PRKRA: variants seen among roughly 807,000 people sequenced by gnomAD.
The protein encoded by PRKRA is interferon-inducible double-stranded RNA-dependent protein kinase activator A.
A neutral mutation model predicts 32.4 loss-of-function variants in PRKRA; 22 were observed. The observed-to-expected ratio is 0.68, with a 90% CI of 0.49 to 0.97. PRKRA has a LOEUF of 0.97. Among genes scored for constraint, PRKRA ranks in the 50% least tolerant of loss-of-function variants. The probability of loss-of-function intolerance (pLI) is 0.00; values close to 1 mark genes in which losing one functional copy is unlikely to be tolerated. For synonymous variants in PRKRA, 139 were observed against 129.8 expected (o/e 1.07, Z -0.48); for missense variants, 319 against 375.6 (o/e 0.85, Z 1.25).
rs758819651 is a variant in PRKRA at position 178,443,345 on chromosome 2, T to TATA, written c.433_435dup (p.Tyr145dup). On this transcript the variant is annotated inframe_insertion, in exon 5 of 8. Coordinates refer to ENST00000325748, the MANE Select transcript of PRKRA (RefSeq NM_003690.5). ...GCAGGTCCTCCCTCCTGGGAAAGGG[T>TATA]ATATTCAGGAAGTCTCCAGCCATGA... 1 of 1,613,244 alleles carries TATA rather than the reference T, an allele frequency of 6.2e-7. No homozygotes were observed. The highest frequency in any genetic ancestry group is 8.5e-7 in the Non-Finnish European group (1 of 1,179,236).
At chr2:178,446,424 T>A (rs1412374699) in intron 3 of PRKRA, among the ~76,000 whole-genome samples, 2 of 152,204 alleles carry the variant, frequency 1.3e-5, no homozygotes, top group African/African-American at 4.8e-5. Flanking sequence ...TGTCACTGGT[T>A]AGTTCTAAAC....
chr2:178,437,450 A>G (rs1431292327), intron 6 of PRKRA, among the ~76,000 whole-genome samples: 4 of 152,352 alleles, frequency 2.6e-5, no homozygotes, highest in Non-Finnish European at 4.4e-5. Flanking sequence ...TTTTTCTTTT[A>G]TCAGTGCACA....
intron 2 of PRKRA, 100 bp downstream of exon 2, chr2:178,450,140 TCA>T: frequency 1.6e-6 from 2 of 1,238,474 alleles, no homozygotes; most frequent in Non-Finnish European, 2.2e-6. Flanking sequence ...AGCCTGTTCC[TCA>T]CAGCTGTCTG....
intron 6 of PRKRA, chr2:178,439,930 T>C (rs1274967998): frequency 6.6e-6 from 1 of 152,184 alleles, no homozygotes; most frequent in Non-Finnish European, 1.5e-5. Flanking sequence ...CTGAACATTT[T>C]ACAAAGGTGT....
intron 1 of PRKRA, chr2:178,450,751 G>C (rs940863327): frequency 6.2e-5 from 84 of 1,348,478 alleles, no homozygotes; most frequent in Non-Finnish European, 7.9e-5. Flanking sequence ...ACCTCCGCCC[G>C]CCCCGCGCGC....
At chr2:178,433,225 G>C (rs775053071) in intron 7 of PRKRA, among the ~76,000 whole-genome samples, 10 of 152,156 alleles carry the variant, frequency 6.6e-5, no homozygotes, top group Non-Finnish European at 1.3e-4. Context: ...TATTTCATTG[G>C]AAGGACAGTC....
In PRKRA at chr2:178,450,258, A is replaced by T; in HGVS notation, c.219T>A (p.Gly73=). 1 of 1,614,248 alleles carries T rather than the reference A, an allele frequency of 6.2e-7. No individual in the cohort carries two copies. Among genetic ancestry groups the T allele is most frequent in the Middle Eastern group, 1.6e-4 (1 of 6,062 alleles). ...VPTFTFRVTV[G]DITCTGEGTS... is the part of the protein sequence containing the mutation. Reference sequence around the variant, plus strand: ...TATACAGACCTGTGCAGGTTATGTCACCAACGGTTACTCTGAAGGTGAAAG... The same window carrying T: ...TATACAGACCTGTGCAGGTTATGTCTCCAACGGTTACTCTGAAGGTGAAAG... The change falls in exon 2 of 8, where the codon GGT becomes GGA. Residue 73 remains glycine, a synonymous_variant. Coordinates refer to ENST00000325748, the MANE Select transcript of PRKRA (RefSeq NM_003690.5).
At chr2:178,448,671 C>G (rs1697411803) in intron 2 of PRKRA, among the ~76,000 whole-genome samples, 1 of 152,180 alleles carries the variant, frequency 6.6e-6, no homozygotes, top group Non-Finnish European at 1.5e-5. Context: ...AGCTACAAGA[C>G]TGCAGCTACA....
At position 178,431,816 on chromosome 2, in the gene PRKRA, A is replaced by G; in HGVS notation, c.*281T>C. The G allele has an allele frequency of 2.2e-6, 1 of 457,818 alleles. No homozygotes were observed. The highest frequency in any genetic ancestry group is 3.8e-5 in the East Asian group (1 of 26,092). 28.4% of individuals were successfully genotyped at this position (457,818 alleles called of 1,614,324 possible). ...ATTTTTATTTCATCATCAACAACAA[A>G]CATGCAGTTTCTTTCTCTGATGTGC... is the stretch of plus-strand genomic sequence containing the variant. On this transcript the variant is annotated 3_prime_UTR_variant, in exon 8 of 8. Coordinates refer to ENST00000325748, the MANE Select transcript of PRKRA (RefSeq NM_003690.5).
At chr2:178,436,755 CAAACAGGAAAAA>C (rs1237017552) in intron 6 of PRKRA, among the ~76,000 whole-genome samples, 1 of 148,386 alleles carries the variant, frequency 6.7e-6, no homozygotes, top group African/African-American at 2.5e-5. Flanking sequence ...TGACAGCTAT[CAAACAGGAAAAA>C]AAACAGAAAA....
chr2:178,436,706 T>C (rs140305638), intron 6 of PRKRA, among the ~76,000 whole-genome samples: 1 of 152,018 alleles, frequency 6.6e-6, no homozygotes, highest in African/African-American at 2.4e-5. Context: ...AATTTTCATA[T>C]CTTTGGTTTT....
chr2:178,443,139 G>A, intron 5 of PRKRA, 128 bp downstream of exon 5: 2 of 699,820 alleles, frequency 2.9e-6, no homozygotes, highest in Non-Finnish European at 2.5e-6. Flanking sequence ...CAGAAAGTCA[G>A]AGACAATAAA....
Position 178,450,222 on chromosome 2 carries a change from G to C in PRKRA, c.235+20C>G, listed in dbSNP as rs62176111. 1.4e-5 allele frequency: 11 copies of C among 792,900 alleles called. No individual in the cohort carries two copies. The African/African-American group carries it at 1.7e-4, about 13-fold the overall frequency. The allele number at this position is 792,900 out of a possible 1,614,324, so 49.1% of individuals were successfully genotyped here. A position where few individuals can be genotyped will look rare whatever the true frequency, so the allele number is the denominator to read the frequency against. On this transcript the variant is annotated intron_variant, in intron 2 of 7. Transcript: ENST00000325748. The stretch of plus-strand genomic sequence containing the variant: ...GACTGCCAACCCACTCGGTCATCCA[G>C]GTTAACTGTGTATACAGACCTGTGC...
chr2:178,441,716 AAAAG>A lies in PRKRA; in HGVS notation c.515-16_515-13del. 1 of 1,573,342 alleles carries A rather than the reference AAAAG, an allele frequency of 6.4e-7. No individual in the cohort carries two copies. Among genetic ancestry groups the A allele is most frequent in the Non-Finnish European group, 8.7e-7 (1 of 1,146,034 alleles). ...TGATGCCCCCTTTCCTGAACAAAGA[AAAAG>A]AAATGGTAGATTTAGAAAAGAAATT... On this transcript the variant is annotated splice_polypyrimidine_tract_variant and intron_variant, in intron 5 of 7. Coordinates refer to ENST00000325748, the MANE Select transcript of PRKRA (RefSeq NM_003690.5).
rs1403726798 is a variant in PRKRA at position 178,431,882 on chromosome 2, CAA to C, written c.*213_*214del. The C allele has an allele frequency of 3.2e-6, 2 of 623,958 alleles. No individual in the cohort carries two copies. Among genetic ancestry groups the C allele is most frequent in the Middle Eastern group, 4.6e-4 (1 of 2,178 alleles). The allele number at this position is 623,958 out of a possible 1,614,324, so 38.7% of individuals were successfully genotyped here. ...GGGTGCTACACTCTCTCTTGTGGTACAAAGTTTATAAATACAGTATACTGATA... is the reference window on the plus strand; with the variant it reads ...GGGTGCTACACTCTCTCTTGTGGTACAGTTTATAAATACAGTATACTGATA... On this transcript the variant is annotated 3_prime_UTR_variant, in exon 8 of 8. Transcript: ENST00000325748.
chr2:178,438,681 G>GT (rs1175221285), intron 6 of PRKRA, among the ~76,000 whole-genome samples: 2,312 of 143,438 alleles, frequency 0.016, 37 homozygotes, highest in African/African-American at 0.044. Flanking sequence ...ACGCTGGTAG[G>GT]TTTTTTTTTT....
intron 6 of PRKRA, among the ~76,000 whole-genome samples, chr2:178,438,546 G>A (rs1488034990): frequency 6.6e-6 from 1 of 152,096 alleles, no homozygotes; most frequent in African/African-American, 2.4e-5. Flanking sequence ...TTTACAGTAT[G>A]TTTTGTTCTC....
chr2:178,439,048 AT>A (rs1697017467), intron 6 of PRKRA: 6 of 152,128 alleles, frequency 3.9e-5, no homozygotes, highest in Admixed American at 3.9e-4. Context: ...TTTCTGCTCT[AT>A]TCTTTAGTAG....
At chr2:178,443,536 CAA>C (rs1230190577) in intron 4 of PRKRA, 152 bp from the exon 5 acceptor site, 2 of 613,774 alleles carry the variant, frequency 3.3e-6, no homozygotes, top group South Asian at 1.8e-5. Flanking sequence ...CTCTATTTCT[CAA>C]AGACATTCCC....
Sources: allele counts gnomAD v4.1 joint callset (sites outside exome capture counted in the v4.1 genomes callset), GRCh38; gene constraint gnomAD v4.1.1; transcripts MANE v1.5; gene names NCBI Gene and HGNC (gene_info 2026-07-23, HGNC 2026-07-21).